Variants in TNNI3K observed in about 807,000 individuals in gnomAD.
The protein encoded by TNNI3K is serine/threonine-protein kinase TNNI3K.
A neutral mutation model predicts 114.5 loss-of-function variants in TNNI3K; 140 were observed. The ratio of observed to expected loss-of-function variants is 1.22; its 90% confidence interval spans 1.07 to 1.41. The LOEUF is 1.41. Ranked by LOEUF, TNNI3K falls within the 40% of genes most tolerant of loss-of-function variation. The pLI, the probability that TNNI3K is intolerant of heterozygous loss-of-function variation, is 0.00. For synonymous variants in TNNI3K, 347 were observed against 347.5 expected (o/e 1.00, Z 0.02); for missense variants, 1,125 against 1,007.6 (o/e 1.12, Z -1.58).
intron 23 of TNNI3K, among the ~76,000 whole-genome samples, chr1:74,532,429 C>T (rs983553678): frequency 3.3e-5 from 5 of 151,596 alleles, no homozygotes; most frequent in Admixed American, 2.6e-4. Context: ...GGTAACTGAA[C>T]AATAGTTTGA....
chr1:74,303,418 G>T (rs2100328891), intron 5 of TNNI3K, among the ~76,000 whole-genome samples: 1 of 152,110 alleles, frequency 6.6e-6, no homozygotes, highest in Non-Finnish European at 1.5e-5. Context: ...GCCCGCCTTG[G>T]TCTCCCAAAG....
chr1:74,405,413 C>G (rs1045760716), intron 17 of TNNI3K, among the ~76,000 whole-genome samples: 1 of 151,926 alleles, frequency 6.6e-6, no homozygotes, highest in Non-Finnish European at 1.5e-5. Flanking sequence ...ATAATATGAC[C>G]CTCTTTACAT....
chr1:74,267,337 T>C (rs1570395063), intron 4 of TNNI3K, among the ~76,000 whole-genome samples: 2 of 152,054 alleles, frequency 1.3e-5, no homozygotes, highest in East Asian at 3.9e-4. Flanking sequence ...AAGAGGCTTA[T>C]CAGTTAAATA....
chr1:74,492,061 G>A, intron 22 of TNNI3K, 36 bp from the exon 23 acceptor site: 2 of 1,482,464 alleles, frequency 1.3e-6, no homozygotes, highest in Non-Finnish European at 9.1e-7. Context: ...CCTGTTGGAA[G>A]TATTAAACAA....
chr1:74,401,867 A>C (rs2100592086), intron 17 of TNNI3K: 1 of 454,760 alleles, frequency 2.2e-6, no homozygotes, highest in South Asian at 1.6e-5. Flanking sequence ...GATCTGGATC[A>C]CCCATAGTAT....
intron 17 of TNNI3K, among the ~76,000 whole-genome samples, chr1:74,399,566 GGGTGGGGCCGGGGGGCGGGC>G (rs1266014351): frequency 6.6e-6 from 1 of 152,088 alleles, no homozygotes; most frequent in African/African-American, 2.4e-5. Flanking sequence ...ATGAACAGCT[GGGTGGGGCCGGGGGGCGGGC>G]GGTGGACACA....
chr1:74,523,216 G>A (rs1646458325), intron 23 of TNNI3K, among the ~76,000 whole-genome samples: 1 of 152,096 alleles, frequency 6.6e-6, no homozygotes, highest in South Asian at 2.1e-4. Context: ...GATTAAATAA[G>A]GAATTGTATG....
intron 11 of TNNI3K, among the ~76,000 whole-genome samples, 192 bp downstream of exon 11, chr1:74,354,321 G>A (rs540566636): frequency 6.6e-6 from 1 of 152,266 alleles, no homozygotes; most frequent in Non-Finnish European, 1.5e-5. Context: ...CTCCTAGGCT[G>A]CAGATGAACC....
At chr1:74,461,484 A>G (rs78328113) in intron 20 of TNNI3K, among the ~76,000 whole-genome samples, 5 of 147,390 alleles carry the variant, frequency 3.4e-5, no homozygotes, top group African/African-American at 1.0e-4. Flanking sequence ...TGTCTCGAGA[A>G]AAAAAAAAAA....
chr1:74,253,439 C>G (rs1272238982), intron 4 of TNNI3K, among the ~76,000 whole-genome samples: 3 of 152,044 alleles, frequency 2.0e-5, no homozygotes, highest in Non-Finnish European at 1.5e-5. Flanking sequence ...GGCAGGGGGT[C>G]GGGGGGAAGC....
At chr1:74,363,971 G>GTATTATTATTATTATTATTAT (rs368456076) in intron 11 of TNNI3K, among the ~76,000 whole-genome samples, 2 of 135,504 alleles carry the variant, frequency 1.5e-5, no homozygotes, top group Non-Finnish European at 3.1e-5. Context: ...CAGATGAGGG[G>GTATTATTATTATTATTATTAT]TATTATTATT....
intron 5 of TNNI3K, among the ~76,000 whole-genome samples, chr1:74,307,898 G>A (rs1412369089): frequency 1.3e-5 from 2 of 152,176 alleles, no homozygotes; most frequent in Non-Finnish European, 2.9e-5. Flanking sequence ...GGGAGGCAGA[G>A]GTTGCAGTGA....
intron 17 of TNNI3K, among the ~76,000 whole-genome samples, chr1:74,400,902 C>T (rs1664325825): frequency 6.6e-6 from 1 of 152,200 alleles, no homozygotes; most frequent in East Asian, 1.9e-4. Flanking sequence ...TCCATTCACC[C>T]TGGCATTCCA....
chr1:74,517,504 A>T (rs554540726), intron 23 of TNNI3K, among the ~76,000 whole-genome samples: 1 of 152,334 alleles, frequency 6.6e-6, no homozygotes, highest in East Asian at 1.9e-4. Flanking sequence ...GCATGTAGAA[A>T]GCATTTAGAA....
At chr1:74,329,994 T>A (rs1402852084) in intron 5 of TNNI3K, among the ~76,000 whole-genome samples, 2 of 152,106 alleles carry the variant, frequency 1.3e-5, no homozygotes, top group Non-Finnish European at 2.9e-5. Context: ...AAATGTGTAA[T>A]ATTTGACCAA....
intron 5 of TNNI3K, among the ~76,000 whole-genome samples, chr1:74,287,176 G>C (rs1392683916): frequency 6.6e-6 from 1 of 151,956 alleles, no homozygotes; most frequent in Non-Finnish European, 1.5e-5. Context: ...TAAACAAAAA[G>C]GAGAAAAAGA....
At chr1:74,337,333 G>A (rs1053191558) in intron 7 of TNNI3K, among the ~76,000 whole-genome samples, 2 of 151,056 alleles carry the variant, frequency 1.3e-5, no homozygotes, top group Non-Finnish European at 3.0e-5. Flanking sequence ...TTCTTTTGCT[G>A]TGCAGAAGCT....
intron 4 of TNNI3K, among the ~76,000 whole-genome samples, chr1:74,253,626 GC>G (rs1453898900): frequency 1.1e-4 from 16 of 152,114 alleles, no homozygotes; most frequent in Non-Finnish European, 2.2e-4. Context: ...GGACTGGCCG[GC>G]CGCTCGGAGT....
intron 17 of TNNI3K, among the ~76,000 whole-genome samples, chr1:74,418,761 T>C (rs949212241): frequency 1.4e-4 from 21 of 151,960 alleles, no homozygotes; most frequent in African/African-American, 5.1e-4. Flanking sequence ...AAAAAACACA[T>C]AAAAATCATC....
Sources: gnomAD v4.1 joint callset for allele counts (sites outside exome capture counted in the v4.1 genomes callset) on GRCh38, gnomAD v4.1.1 for gene constraint, MANE v1.5 for transcripts, NCBI Gene and HGNC (gene_info 2026-07-23, HGNC 2026-07-21) for gene names.